The following DLG2 variants were observed in gnomAD, a reference collection of about 807,000 sequenced individuals.
The protein encoded by DLG2 is discs large MAGUK scaffold protein 2.
In DLG2, 45 loss-of-function variants were observed where a neutral mutation model predicts 132.5. The ratio of observed to expected loss-of-function variants is 0.34; its 90% CI spans 0.27 to 0.44. The LOEUF is 0.44. Among genes scored for constraint, DLG2 ranks in the 20% least tolerant of loss-of-function variants. The probability of loss-of-function intolerance (pLI) is 1.00; values close to 1 mark genes in which losing one functional copy is unlikely to be tolerated. For synonymous variants in DLG2, 424 were observed against 419.6 expected, an observed-to-expected ratio of 1.01 and a Z score of -0.13; for missense variants, 1,045 against 1,196.9, an observed-to-expected ratio of 0.87 and a Z score of 1.87.
chr11:84,633,441 C>T (rs1022774336), intron 6 of DLG2, among the ~76,000 whole-genome samples: 1 of 152,048 alleles, frequency 6.6e-6, no homozygotes, highest in African/African-American at 2.4e-5. Flanking sequence ...TTTCTGGGGC[C>T]TAAATATATC....
At chr11:83,856,617 G>T (rs1248894779) in intron 16 of DLG2, among the ~76,000 whole-genome samples, 1 of 151,994 alleles carries the variant, frequency 6.6e-6, no homozygotes, top group Non-Finnish European at 1.5e-5. Flanking sequence ...TATGATAGCT[G>T]GCCACATCTA....
At chr11:84,859,403 T>TATACATATATATGTATAC (rs1566174722) in intron 6 of DLG2, among the ~76,000 whole-genome samples, 2 of 145,240 alleles carry the variant, frequency 1.4e-5, no homozygotes, top group African/African-American at 5.1e-5. Flanking sequence ...TATATGTATA[T>TATACATATATATGTATAC]ATACATATAT....
intron 6 of DLG2, among the ~76,000 whole-genome samples, chr11:85,110,597 A>G (rs764512272): frequency 6.6e-6 from 1 of 151,964 alleles, no homozygotes; most frequent in Non-Finnish European, 1.5e-5. Flanking sequence ...TAGCATCACC[A>G]TCTCTCCTTC....
At chr11:83,653,272 G>T (rs921612791) in intron 18 of DLG2, among the ~76,000 whole-genome samples, 23 of 152,172 alleles carry the variant, frequency 1.5e-4, no homozygotes, top group African/African-American at 5.3e-4. Context: ...GACAAAAGTG[G>T]ATTTGCAGTG....
At chr11:84,699,996 C>G (rs2059046055) in intron 6 of DLG2, among the ~76,000 whole-genome samples, 3 of 151,500 alleles carry the variant, frequency 2.0e-5, no homozygotes, top group Admixed American at 2.0e-4. Flanking sequence ...GTATAATGGG[C>G]TAATAACTAC....
At chr11:85,471,778 A>C (rs935169308) in intron 3 of DLG2, among the ~76,000 whole-genome samples, 2 of 152,222 alleles carry the variant, frequency 1.3e-5, no homozygotes, top group Non-Finnish European at 2.9e-5. Flanking sequence ...AGAAGCAATA[A>C]TCAATGAGCT....
At chr11:84,160,167 G>T (rs1170982517) in intron 9 of DLG2, among the ~76,000 whole-genome samples, 1 of 151,946 alleles carries the variant, frequency 6.6e-6, no homozygotes, top group Non-Finnish European at 1.5e-5. Flanking sequence ...CTAAGGGCAT[G>T]AGTCTGGATG....
At chr11:84,868,763 A>G (rs189439407) in intron 6 of DLG2, among the ~76,000 whole-genome samples, 8 of 152,226 alleles carry the variant, frequency 5.3e-5, no homozygotes, top group African/African-American at 1.9e-4. Context: ...TATCTCAGAC[A>G]AAACAAATGA....
intron 3 of DLG2, among the ~76,000 whole-genome samples, chr11:85,312,660 T>A (rs2080389700): frequency 6.6e-6 from 1 of 151,926 alleles, no homozygotes; most frequent in South Asian, 2.1e-4. Flanking sequence ...TGTCTCCATT[T>A]ACCTTTTAAA....
chr11:84,642,409 T>C (rs1020756891), intron 6 of DLG2, among the ~76,000 whole-genome samples: 2 of 152,018 alleles, frequency 1.3e-5, no homozygotes, highest in Non-Finnish European at 2.9e-5. Context: ...CAGATACATA[T>C]TTTGCTATAA....
At chr11:84,661,260 A>C (rs1030030128) in intron 6 of DLG2, among the ~76,000 whole-genome samples, 5 of 152,172 alleles carry the variant, frequency 3.3e-5, no homozygotes, top group African/African-American at 1.2e-4. Context: ...TCTTGGCTTA[A>C]GGGCACTTGA....
chr11:85,557,475 CA>C (rs1013365708), intron 3 of DLG2, among the ~76,000 whole-genome samples: 1 of 151,554 alleles, frequency 6.6e-6, no homozygotes, highest in Non-Finnish European at 1.5e-5. Context: ...CATACAGAAC[CA>C]AAAAAGAGTC....
At chr11:84,294,382 G>A (rs1379384947) in intron 7 of DLG2, among the ~76,000 whole-genome samples, 1 of 152,120 alleles carries the variant, frequency 6.6e-6, no homozygotes, top group Non-Finnish European at 1.5e-5. Flanking sequence ...TGGATCATCT[G>A]AGGTCAGGAG....
intron 7 of DLG2, among the ~76,000 whole-genome samples, chr11:84,469,272 G>A (rs1180491808): frequency 2.0e-5 from 3 of 151,572 alleles, no homozygotes; most frequent in African/African-American, 7.3e-5. Context: ...AGAGAAAGTT[G>A]ACTATAAGTC....
intron 7 of DLG2, among the ~76,000 whole-genome samples, chr11:84,448,834 C>A (rs2099043276): frequency 6.6e-6 from 1 of 151,914 alleles, no homozygotes; most frequent in Non-Finnish European, 1.5e-5. Flanking sequence ...CCTCGGAGAC[C>A]TACATAGTCC....
intron 3 of DLG2, among the ~76,000 whole-genome samples, chr11:85,437,695 T>C (rs947938517): frequency 6.6e-6 from 1 of 152,202 alleles, no homozygotes; most frequent in African/African-American, 2.4e-5. Context: ...TCATTTGTTT[T>C]TTAACTAGTG....
chr11:85,521,284 G>C (rs2074292479), intron 3 of DLG2, among the ~76,000 whole-genome samples: 1 of 152,158 alleles, frequency 6.6e-6, no homozygotes, highest in South Asian at 2.1e-4. Flanking sequence ...AGCTTTGTGA[G>C]GGGCTTTTCC....
chr11:84,149,145 G>T (rs2095203367), intron 9 of DLG2, among the ~76,000 whole-genome samples: 1 of 152,066 alleles, frequency 6.6e-6, no homozygotes, highest in African/African-American at 2.4e-5. Flanking sequence ...ATAGTTTGCA[G>T]ATTTTTCTCC....
chr11:84,878,854 A>G (rs2086832938), intron 6 of DLG2, among the ~76,000 whole-genome samples: 1 of 152,264 alleles, frequency 6.6e-6, no homozygotes, highest in South Asian at 2.1e-4. Flanking sequence ...TTGACTTACT[A>G]TTTTTTGAAA....
Sources: gnomAD v4.1 joint callset for allele counts (sites outside exome capture counted in the v4.1 genomes callset) on GRCh38, gnomAD v4.1.1 for gene constraint, MANE v1.5 for transcripts, NCBI Gene and HGNC (gene_info 2026-07-23, HGNC 2026-07-21) for gene names.